SIPA1L2: variants seen among roughly 807,000 people sequenced by gnomAD.
SIPA1L2 encodes signal induced proliferation associated 1 like 2.
In SIPA1L2, 56 loss-of-function variants were observed where a neutral mutation model predicts 163.9. That is an observed-to-expected ratio of 0.34 (90% confidence interval 0.28 to 0.43). The LOEUF (loss-of-function observed/expected upper bound fraction) is 0.43. SIPA1L2 is among the 20% of genes least tolerant of loss of function. The probability of loss-of-function intolerance (pLI) is 1.00; values close to 1 mark genes in which losing one functional copy is unlikely to be tolerated. For synonymous variants in SIPA1L2, 877 were observed against 865.7 expected (o/e 1.01, Z -0.23); for missense variants, 1,974 against 2,193.5 (o/e 0.90, Z 2.00).
intron 7 of SIPA1L2, among the ~76,000 whole-genome samples, chr1:232,472,460 CAAAT>C (rs1165998440): frequency 6.6e-6 from 1 of 152,182 alleles, no homozygotes; most frequent in Non-Finnish European, 1.5e-5. Flanking sequence ...ATTTGTTTAA[CAAAT>C]AAATAATCCA....
intron 1 of SIPA1L2, among the ~76,000 whole-genome samples, chr1:232,624,595 C>G (rs922010105): frequency 3.4e-4 from 52 of 152,244 alleles, no homozygotes; most frequent in African/African-American, 1.3e-3. Context: ...GGCTCTTTAC[C>G]TAGATATTTT....
intron 2 of SIPA1L2, among the ~76,000 whole-genome samples, chr1:232,567,819 A>G (rs1225219500): frequency 6.6e-6 from 1 of 152,184 alleles, no homozygotes; most frequent in Non-Finnish European, 1.5e-5. Flanking sequence ...GCCTAATCGG[A>G]GGGTTGGGAC....
intron 18 of SIPA1L2, among the ~76,000 whole-genome samples, chr1:232,420,494 C>G (rs911069843): frequency 1.3e-5 from 2 of 152,106 alleles, no homozygotes; most frequent in Non-Finnish European, 1.5e-5. Flanking sequence ...TATTTTAAAT[C>G]CAGCTCTCCC....
chr1:232,428,371 T>A (rs1253525228), intron 17 of SIPA1L2, 40 bp downstream of exon 17: 8 of 1,267,532 alleles, frequency 6.3e-6, no homozygotes, highest in South Asian at 4.4e-5. Flanking sequence ...TTTTTTTTTT[T>A]AGTGTTTCTG....
chr1:232,602,461 G>A (rs911449899), intron 1 of SIPA1L2, among the ~76,000 whole-genome samples: 3 of 152,180 alleles, frequency 2.0e-5, no homozygotes, highest in African/African-American at 7.2e-5. Flanking sequence ...CTCCAGAGTA[G>A]CTGGGATTAC....
At chr1:232,503,061 C>G (rs1281523485) in intron 3 of SIPA1L2, among the ~76,000 whole-genome samples, 1 of 152,172 alleles carries the variant, frequency 6.6e-6, no homozygotes, top group African/African-American at 2.4e-5. Context: ...TGCATTCAGA[C>G]CCTCACCCAC....
intron 7 of SIPA1L2, among the ~76,000 whole-genome samples, chr1:232,476,841 T>C (rs959375553): frequency 6.6e-6 from 1 of 152,226 alleles, no homozygotes; most frequent in African/African-American, 2.4e-5. Flanking sequence ...AGATCTGATG[T>C]GGACGAGTCT....
chr1:232,481,496 GATA>G (rs1254292825), intron 6 of SIPA1L2, among the ~76,000 whole-genome samples: 4 of 152,156 alleles, frequency 2.6e-5, no homozygotes, highest in Non-Finnish European at 4.4e-5. Flanking sequence ...CTTAAAATGT[GATA>G]ATAATATGTC....
At chr1:232,562,829 T>C (rs1221998846) in intron 2 of SIPA1L2, among the ~76,000 whole-genome samples, 1 of 152,200 alleles carries the variant, frequency 6.6e-6, no homozygotes, top group Non-Finnish European at 1.5e-5. Context: ...GTTCACTTTT[T>C]TCCCCTTAGC....
At chr1:232,462,242 C>T (rs986029322) in intron 9 of SIPA1L2, 2 of 1,550,818 alleles carry the variant, frequency 1.3e-6, no homozygotes, top group East Asian at 2.4e-5. Context: ...CATTAAGTAT[C>T]ACCCGATGAC....
At position 232,399,149 on chromosome 1, in the gene SIPA1L2, G is replaced by A. The variant is rs762075420; in HGVS notation, c.5147C>T (p.Thr1716Ile). The A allele has an allele frequency of 1.5e-5, 24 of 1,613,924 alleles. No homozygotes were observed. The Middle Eastern group carries it at 6.6e-4, about 44-fold the overall frequency. ...QLRKFTEWFF[T>I]TIDKKS ...TGGCTAAGATTTTTTGTCGATGGTG[G>A]TGAAAAACCATTCTGTGAATTTCCG... Residue 1716 changes from threonine (T) to isoleucine (I), a missense_variant, in exon 23 of 23, where the codon ACC becomes ATC. By Grantham distance (89) the Thr-to-Ile change is moderately conservative. Around this residue, in one of 3 missense-constraint regions of SIPA1L2, gnomAD observed 1,079 missense variants for 1,150.7 expected, o/e 0.94. Coordinates refer to ENST00000674635, the MANE Select transcript of SIPA1L2 (RefSeq NM_020808.5).
At position 232,588,048 on chromosome 1, in the gene SIPA1L2, G is replaced by A. The variant is rs113320010; in HGVS notation, c.-318-13826C>T. On this transcript the variant is annotated intron_variant, in intron 1 of 22. Coordinates refer to ENST00000674635, the MANE Select transcript of SIPA1L2 (RefSeq NM_020808.5). ...ATGTCTTTATCAGCAGCAGGAAAAC[G>A]GACTAATACAATGGAGAAGTAAAAA... Among the ~76,000 whole-genome samples, 9 of 152,272 alleles carry A rather than the reference G, an allele frequency of 5.9e-5. No individual in the cohort carries two copies. The East Asian group carries it at 1.5e-3, about 26-fold the overall frequency.
At chr1:232,546,335 T>C (rs1251868642) in intron 2 of SIPA1L2, among the ~76,000 whole-genome samples, 1 of 152,194 alleles carries the variant, frequency 6.6e-6, no homozygotes, top group Non-Finnish European at 1.5e-5. Flanking sequence ...ACGCCAAGAC[T>C]TCACCTTTAT....
intron 10 of SIPA1L2, among the ~76,000 whole-genome samples, chr1:232,452,798 A>G (rs530516754): frequency 1.6e-3 from 244 of 152,322 alleles, no homozygotes; most frequent in African/African-American, 5.5e-3. Context: ...AGACATGACT[A>G]TGTGTAGCTT....
intron 15 of SIPA1L2, 101 bp from the exon 16 acceptor site, chr1:232,432,572 C>A (rs569554333): frequency 3.2e-5 from 37 of 1,141,332 alleles, no homozygotes; most frequent in East Asian, 5.0e-5. Flanking sequence ...AGTCTTTCTC[C>A]GAGAGCAAAA....
chr1:232,465,517 T>TACACAC lies in SIPA1L2; in HGVS notation c.2244-107_2244-102dup, dbSNP rs71162242. 1.8e-6 allele frequency: 1 copy of TACACAC among 562,908 alleles called. No individual in the cohort carries two copies. The highest frequency in any genetic ancestry group is 2.9e-6 in the Non-Finnish European group (1 of 344,682). The allele number at this position is 562,908 out of a possible 1,614,324, so 34.9% of individuals were successfully genotyped here. On this transcript the variant is annotated intron_variant, in intron 8 of 22. Coordinates refer to ENST00000674635, the MANE Select transcript of SIPA1L2 (RefSeq NM_020808.5). This position sits in a 1 kb window ranked among gnomAD's most constrained non-coding sequence, Gnocchi z 4.1. ...ATATACACACACACACACATATACA[T>TACACAC]ACACACACACACACACATATACATA...
chr1:232,502,709 G>T (rs1057249591), intron 3 of SIPA1L2, among the ~76,000 whole-genome samples: 2 of 152,182 alleles, frequency 1.3e-5, no homozygotes, highest in Non-Finnish European at 2.9e-5. Flanking sequence ...CACACCTGCA[G>T]ACTCACAGCT....
At chr1:232,531,563 T>A (rs1030795313) in intron 2 of SIPA1L2, among the ~76,000 whole-genome samples, 2 of 152,218 alleles carry the variant, frequency 1.3e-5, no homozygotes, top group African/African-American at 4.8e-5. Flanking sequence ...AAAGATGCAG[T>A]AATGAAAGGC....
At chr1:232,489,074 C>T (rs1665793000) in intron 5 of SIPA1L2, among the ~76,000 whole-genome samples, 1 of 152,180 alleles carries the variant, frequency 6.6e-6, no homozygotes, top group Admixed American at 6.5e-5. Flanking sequence ...GAACATGAAC[C>T]ATCTGTAAAA....
Sources: gnomAD v4.1 joint callset for allele counts (sites outside exome capture counted in the v4.1 genomes callset) on GRCh38, gnomAD v4.1.1 for gene constraint, gnomAD v4.1.1 regional missense constraint, Gnocchi (gnomAD v3.1) non-coding constraint, MANE v1.5 for transcripts, NCBI Gene and HGNC (gene_info 2026-07-23, HGNC 2026-07-21) for gene names.